The following ATP13A2 variants were observed in gnomAD, a reference collection of about 807,000 sequenced individuals.
ATP13A2 encodes ATPase cation transporting 13A2, also known as polyamine-transporting ATPase 13A2.
Under a neutral mutation model 138.3 loss-of-function variants are expected in ATP13A2, and 83 were observed. The ratio of observed to expected loss-of-function variants is 0.60; its 90% CI spans 0.50 to 0.72. ATP13A2 has a LOEUF of 0.72. Among genes scored for constraint, ATP13A2 ranks in the 30% least tolerant of loss-of-function variants. ATP13A2 has a pLI of 0.00. For synonymous variants in ATP13A2, 663 were observed against 699.0 expected (o/e 0.95, Z 0.81); for missense variants, 1,402 against 1,606.4 (o/e 0.87, Z 2.17).
chr1:16,991,646 C>T, intron 20 of ATP13A2, 88 bp downstream of exon 20: 1 of 1,603,004 alleles, frequency 6.2e-7, no homozygotes, highest in East Asian at 2.2e-5. Context: ...AAAAAGATGC[C>T]CCAAAAAGGA....
rs2101110558 is a variant in ATP13A2, at chr1:17,005,075, G to A, written c.289-3C>T. 6.2e-7 allele frequency: 1 copy of A among 1,614,038 alleles called. No individual in the cohort carries two copies. Among genetic ancestry groups the A allele is most frequent in the South Asian group, 1.1e-5 (1 of 91,074 alleles). ...GTGAAGAGCTGCCAGGAACTATCCT[G>A]GAACACAGAGGTATGGACTCAGTCT... On this transcript the variant is annotated splice_region_variant and splice_polypyrimidine_tract_variant and intron_variant, in intron 3 of 28. Transcript: ENST00000326735.
In ATP13A2 at chr1:16,993,500, G is replaced by T. The variant is rs915821402; in HGVS notation, c.1749+129C>A. On this transcript the variant is annotated intron_variant, in intron 16 of 28. Coordinates refer to ENST00000326735, the MANE Select transcript of ATP13A2 (RefSeq NM_022089.4). The stretch of plus-strand genomic sequence containing the variant: ...CCACGTTACAGGTGTGAGCCACTGC[G>T]CCTGGCCTATTATTATTAATGGTGG... 32 of 966,464 alleles carry T rather than the reference G, an allele frequency of 3.3e-5. No individual in the cohort carries two copies. The African/African-American group carries it at 5.3e-4, about 16-fold the overall frequency. The allele number at this position is 966,464 out of a possible 1,614,324, so 59.9% of individuals were successfully genotyped here. A position where few individuals can be genotyped will look rare whatever the true frequency, so the allele number is the denominator to read the frequency against.
rs1259931850 is a variant in ATP13A2 at position 17,005,734 on chromosome 1, G to C, written c.55C>G (p.Leu19Val). Residue 19 changes from leucine (L) to valine (V), a missense_variant, in exon 2 of 29, where the codon CTG (leucine) becomes GTG (valine). By Grantham distance (32) the Leu-to-Val change is conservative. Coordinates refer to ENST00000326735, the MANE Select transcript of ATP13A2 (RefSeq NM_022089.4). ...GGATCTATTGATGTCCCTATCGTCA[G>C]GGTCCCATAACCGGTGGGCGTGCTG... ...VGSTPTGYGT[L>V]TIGTSIDPLS... The C allele has an allele frequency of 1.2e-6, 2 of 1,613,562 alleles. No homozygotes were observed. Among genetic ancestry groups the C allele is most frequent in the Non-Finnish European group, 1.7e-6 (2 of 1,179,790 alleles).
rs552783365 is a variant in ATP13A2 at position 16,995,101 on chromosome 1, C to T, written c.1542+875G>A. Among the ~76,000 whole-genome samples, 10 of 152,332 alleles carry T rather than the reference C, an allele frequency of 6.6e-5. No individual in the cohort carries two copies. Among genetic ancestry groups the T allele is most frequent in the East Asian group, 1.9e-4 (1 of 5,180 alleles). On this transcript the variant is annotated intron_variant, in intron 15 of 28. Coordinates refer to ENST00000326735, the MANE Select transcript of ATP13A2 (RefSeq NM_022089.4). This position sits in a 1 kb window ranked among gnomAD's most constrained non-coding sequence, Gnocchi z 4.1. Reference sequence around the variant, plus strand: ...TCAGGTACGCAGCACATCTGTGCCACGCCACTCCCTGTGCCCCAGGCACAC... The same window carrying T: ...TCAGGTACGCAGCACATCTGTGCCATGCCACTCCCTGTGCCCCAGGCACAC...
rs1162935835 is a variant in ATP13A2, at chr1:16,995,666, G to C, written c.1542+310C>G. 4.6e-6 allele frequency: 2 copies of C among 435,500 alleles called. No individual in the cohort carries two copies. Among genetic ancestry groups the C allele is most frequent in the South Asian group, 2.0e-5 (1 of 49,144 alleles). 27.0% of individuals were successfully genotyped at this position (435,500 alleles called of 1,614,324 possible). A position where few individuals can be genotyped will look rare whatever the true frequency, so the allele number is the denominator to read the frequency against. On this transcript the variant is annotated intron_variant, in intron 15 of 28. Transcript: ENST00000326735. The surrounding 1 kb of genome is among the most constrained non-coding windows in gnomAD (Gnocchi z 4.1). The stretch of plus-strand genomic sequence containing the variant: ...TTGCCATGTTGGTCAGGCTGGTCTT[G>C]AACTCCTGACCTCAAGTGATGTATC...
rs1480019279 is a variant in ATP13A2, at chr1:17,004,291, C to A, written c.557+41G>T. On this transcript the variant is annotated intron_variant, in intron 6 of 28. Coordinates refer to ENST00000326735, the MANE Select transcript of ATP13A2 (RefSeq NM_022089.4). The surrounding 1 kb of genome is among the most constrained non-coding windows in gnomAD (Gnocchi z 4.1). ...ACCGTCTGTGCCCAAACCAGTGCCA[C>A]TCTGGGAGGTGACATGAGCCACACA... The A allele has an allele frequency of 6.3e-7, 1 of 1,599,298 alleles. No homozygotes were observed. Among genetic ancestry groups the A allele is most frequent in the Non-Finnish European group, 8.5e-7 (1 of 1,170,470 alleles).
At chr1:16,989,586 G>GTC (rs1191859998) in intron 23 of ATP13A2, 105 bp downstream of exon 23, 1 of 1,133,378 alleles carries the variant, frequency 8.8e-7, no homozygotes, top group Non-Finnish European at 1.3e-6. Flanking sequence ...CAGCTCTCTG[G>GTC]TGCCTGAGGA....
chr1:17,006,771 A>T (rs2077576374), intron 1 of ATP13A2, among the ~76,000 whole-genome samples: 1 of 152,164 alleles, frequency 6.6e-6, no homozygotes, highest in Non-Finnish European at 1.5e-5. Flanking sequence ...TGCCCAGCCC[A>T]GGTCTGGCAG....
chr1:17,005,433 G>A lies in ATP13A2; in HGVS notation c.229C>T (p.Leu77Phe), dbSNP rs763004392. The stretch of plus-strand genomic sequence containing the variant: ...GCGTGGGCCAGGTTGCAGGGCCGGA[G>A]CCGCAGCCGCACCCCCCACAGGGGC... The part of the protein sequence containing the change: ...WKPLWGVRLR[L>F]RPCNLAHAET... Residue 77 changes from leucine to phenylalanine, a missense_variant, in exon 3 of 29, where the codon CTC (leucine) becomes TTC (phenylalanine). Physicochemically the swap from Leu to Phe is conservative, Grantham distance 22. Transcript: ENST00000326735. The A allele has an allele frequency of 1.1e-5, 17 of 1,613,414 alleles. No individual in the cohort carries two copies. Among genetic ancestry groups the A allele is most frequent in the Non-Finnish European group, 1.4e-5 (17 of 1,179,822 alleles).
intron 1 of ATP13A2, among the ~76,000 whole-genome samples, chr1:17,009,310 G>C (rs1251105606): frequency 6.6e-6 from 1 of 151,508 alleles, no homozygotes; most frequent in Admixed American, 6.6e-5. Context: ...CTGAATGAAT[G>C]AATGTCTGTC....
chr1:17,003,806 G>A (rs1346050246), intron 6 of ATP13A2, among the ~76,000 whole-genome samples: 3 of 151,938 alleles, frequency 2.0e-5, no homozygotes, highest in East Asian at 2.0e-4. Context: ...TGGGATTACA[G>A]GCACATGCCA....
chr1:17,011,923 G>C lies in ATP13A2; in HGVS notation c.-185C>G, dbSNP rs910920025. On this transcript the variant is annotated 5_prime_UTR_variant, in exon 1 of 29. Transcript: ENST00000326735. This position sits in a 1 kb window ranked among gnomAD's most constrained non-coding sequence, Gnocchi z 7.3. The stretch of plus-strand genomic sequence containing the variant: ...GGGCCACCAGGCTCGGCGCGGCTCC[G>C]ACACTGCCGCAGTCCCTCCGTGCGC... The C allele has an allele frequency of 8.1e-6, 3 of 370,896 alleles. No homozygotes were observed. The highest frequency in any genetic ancestry group is 1.1e-5 in the Non-Finnish European group (3 of 265,116). The allele number at this position is 370,896 out of a possible 1,614,324, so 23.0% of individuals were successfully genotyped here. A position where few individuals can be genotyped will look rare whatever the true frequency, so the allele number is the denominator to read the frequency against.
At chr1:16,993,248 TTC>T (rs1282521524) in intron 16 of ATP13A2, among the ~76,000 whole-genome samples, 2 of 149,282 alleles carry the variant, frequency 1.3e-5, no homozygotes, top group Non-Finnish European at 3.0e-5. Context: ...CAGGGTCTCG[TTC>T]TGTTACCCAG....
chr1:16,995,904 C>T lies in ATP13A2; in HGVS notation c.1542+72G>A, dbSNP rs926765751. 55 of 1,571,470 alleles carry T rather than the reference C, an allele frequency of 3.5e-5. No individual in the cohort carries two copies. Among genetic ancestry groups the T allele is most frequent in the African/African-American group, 5.4e-5 (4 of 73,990 alleles). ...TGTGGGTGCTGCTGAGAGAATAACG[C>T]GGGTGTGGAGGCCTCACTGGGGCGC... On this transcript the variant is annotated intron_variant, in intron 15 of 28. Coordinates refer to ENST00000326735, the MANE Select transcript of ATP13A2 (RefSeq NM_022089.4). The surrounding 1 kb of genome is among the most constrained non-coding windows in gnomAD (Gnocchi z 4.1).
chr1:17,001,347 G>A lies in ATP13A2; in HGVS notation c.705+687C>T, dbSNP rs145773768. On this transcript the variant is annotated intron_variant, in intron 8 of 28. Coordinates refer to ENST00000326735, the MANE Select transcript of ATP13A2 (RefSeq NM_022089.4). ...GGAGGCTCAGGCAGGAGAATCACTT[G>A]AACCCAGGAGGTGGACATCGCAGTG... is the stretch of plus-strand genomic sequence containing the variant. 4.7e-4 allele frequency among the ~76,000 whole-genome samples: 71 copies of A among 150,860 alleles called. 1 individual carries two copies. In the East Asian group the frequency reaches 0.012, roughly 25 times the overall value.
At chr1:16,996,968 C>T (rs2077150050) in intron 12 of ATP13A2, 52 bp downstream of exon 12, 1 of 1,585,938 alleles carries the variant, frequency 6.3e-7, no homozygotes. Context: ...TCCACCTCTC[C>T]CAAGGGTGCT....
chr1:16,986,032 G>A lies in ATP13A2; in HGVS notation c.*189C>T, dbSNP rs1024514052. 57 of 1,467,620 alleles carry A rather than the reference G, an allele frequency of 3.9e-5. No individual in the cohort carries two copies. Among genetic ancestry groups the A allele is most frequent in the Admixed American group, 8.2e-5 (3 of 36,638 alleles). The allele number at this position is 1,467,620 out of a possible 1,614,324, so 90.9% of individuals were successfully genotyped here. On this transcript the variant is annotated 3_prime_UTR_variant, in exon 29 of 29. Transcript: ENST00000326735. This position sits in a 1 kb window ranked among gnomAD's most constrained non-coding sequence, Gnocchi z 6.9. ...GGGAGCTGGGGGCTGCCACCCCTACGCGGGATGGTCCAAGGTAGGGGACAG... is the reference window on the plus strand; with the variant it reads ...GGGAGCTGGGGGCTGCCACCCCTACACGGGATGGTCCAAGGTAGGGGACAG...
chr1:17,004,762 G>A lies in ATP13A2; in HGVS notation c.407C>T (p.Ala136Val), dbSNP rs562519835. 3.3e-5 allele frequency: 53 copies of A among 1,614,026 alleles called. No homozygotes were observed. In the East Asian group the frequency reaches 1.0e-3, roughly 31 times the overall value. The stretch of plus-strand genomic sequence containing the variant: ...ATCCTTCCAGGCACCCTCTGGTACC[G>A]CCCCAACTGCCGCCTGGCTCCGGCC... ...EDGRSQAAVG[A>V]VPEGAWKDTA... The change falls in exon 5 of 29, where the codon GCG (alanine) becomes GTG (valine). Residue 136 changes from alanine to valine, a missense_variant. Transcript: ENST00000326735. The surrounding 1 kb of genome is among the most constrained non-coding windows in gnomAD (Gnocchi z 4.1).
At chr1:16,996,221 G>A in intron 14 of ATP13A2, 33 bp downstream of exon 14, 2 of 1,614,146 alleles carry the variant, frequency 1.2e-6, no homozygotes, top group Non-Finnish European at 1.7e-6. Flanking sequence ...GGGCCCTGCT[G>A]GCAGCACCCC....
Sources: allele counts gnomAD v4.1 joint callset (sites outside exome capture counted in the v4.1 genomes callset), GRCh38; gene constraint gnomAD v4.1.1; non-coding constraint Gnocchi (gnomAD v3.1); transcripts MANE v1.5; gene names NCBI Gene and HGNC (gene_info 2026-07-23, HGNC 2026-07-21).